Variants in TM9SF3 observed in about 807,000 individuals in gnomAD.
TM9SF3 encodes the protein transmembrane 9 superfamily member 3.
A neutral mutation model predicts 78.6 loss-of-function variants in TM9SF3; 14 were observed. That is an observed-to-expected ratio of 0.18 (90% CI 0.12 to 0.28). The LOEUF is 0.28. Among genes scored for constraint, TM9SF3 ranks in the 10% least tolerant of loss-of-function variants. The pLI, the probability that TM9SF3 is intolerant of heterozygous loss-of-function variation, is 1.00. For synonymous variants in TM9SF3, 231 were observed against 241.7 expected (o/e 0.96, Z 0.41); for missense variants, 496 against 721.9 (o/e 0.69, Z 3.59).
chr10:96,530,851 A>C (rs142957883), intron 10 of TM9SF3, among the ~76,000 whole-genome samples: 141 of 152,328 alleles, frequency 9.3e-4, no homozygotes, highest in African/African-American at 3.3e-3. Flanking sequence ...AAGAACACAA[A>C]TTACTGACAC....
chr10:96,529,449 T>C (rs1376496499), intron 11 of TM9SF3, among the ~76,000 whole-genome samples: 3 of 152,060 alleles, frequency 2.0e-5, no homozygotes. Context: ...AGTTATAAAA[T>C]TCGATGTGAT....
intron 5 of TM9SF3, among the ~76,000 whole-genome samples, chr10:96,555,505 T>C (rs1201813454): frequency 6.6e-6 from 1 of 152,234 alleles, no homozygotes; most frequent in Non-Finnish European, 1.5e-5. Context: ...CTGTGTATGA[T>C]TAGGACATAT....
Position 96,572,317 on chromosome 10 carries a change from A to G in TM9SF3, c.298+4317T>C, listed in dbSNP as rs547606313. 3.3e-5 allele frequency among the ~76,000 whole-genome samples: 5 copies of G among 151,988 alleles called. No individual in the cohort carries two copies. In the South Asian group the frequency reaches 1.0e-3, roughly 32 times the overall value. The stretch of plus-strand genomic sequence containing the variant: ...TTCACAGATAAGCAATACGAGATCA[A>G]AGAGGTTGAACAATTTGCCCATGAC... On this transcript the variant is annotated intron_variant, in intron 2 of 14. Transcript: ENST00000371142.
In TM9SF3 at chr10:96,527,990, AT is replaced by A. The variant is rs748020147; in HGVS notation, c.1541+40del. 9.5e-6 allele frequency: 15 copies of A among 1,580,668 alleles called. No homozygotes were observed. The East Asian group carries it at 3.4e-4, about 36-fold the overall frequency. On this transcript the variant is annotated intron_variant, in intron 12 of 14. Transcript: ENST00000371142. The stretch of plus-strand genomic sequence containing the variant: ...TTCAAAGGAAATCTTATTTTAAAAT[AT>A]TATGGTTCCCCAAATTTCTATCCAC...
At chr10:96,552,269 T>C (rs186102898) in intron 6 of TM9SF3, among the ~76,000 whole-genome samples, 9 of 152,182 alleles carry the variant, frequency 5.9e-5, no homozygotes, top group South Asian at 2.1e-4. Context: ...CTGGGCAGCA[T>C]AGTGAAATTA....
At position 96,576,362 on chromosome 10, in the gene TM9SF3, C is replaced by T. The variant is rs1017261858; in HGVS notation, c.298+272G>A. On this transcript the variant is annotated intron_variant, in intron 2 of 14. Coordinates refer to ENST00000371142, the MANE Select transcript of TM9SF3 (RefSeq NM_020123.4). The stretch of plus-strand genomic sequence containing the variant: ...ATACTTTCCTAAATGCAATACACCT[C>T]ATTTACAGACTAAAACACATTTTAG... 10 of 228,676 alleles carry T rather than the reference C, an allele frequency of 4.4e-5. No homozygotes were observed. The Admixed American group carries it at 4.5e-4, about 10-fold the overall frequency. The allele number at this position is 228,676 out of a possible 1,614,324, so 14.2% of individuals were successfully genotyped here.
In TM9SF3 at chr10:96,520,194, G is replaced by A. The variant is rs973835343; in HGVS notation, c.*2069C>T. 2 of 151,800 alleles carry A rather than the reference G, an allele frequency of 1.3e-5. No homozygotes were observed. The highest frequency in any genetic ancestry group is 4.8e-5 in the African/African-American group (2 of 41,384). 9.4% of individuals were successfully genotyped at this position (151,800 alleles called of 1,614,324 possible). ...AAAAGTACTTTATATATAGTTAAAA[G>A]GTTACATAATATAGGCAACTAAATA... On this transcript the variant is annotated 3_prime_UTR_variant, in exon 15 of 15. Transcript: ENST00000371142.
intron 8 of TM9SF3, among the ~76,000 whole-genome samples, chr10:96,547,314 G>A (rs1848113344): frequency 6.6e-6 from 1 of 152,092 alleles, no homozygotes; most frequent in Admixed American, 6.5e-5. Flanking sequence ...ATCACATGGA[G>A]CACATCTAGA....
chr10:96,576,185 A>C (rs369662537), intron 2 of TM9SF3, among the ~76,000 whole-genome samples: 1 of 152,204 alleles, frequency 6.6e-6, no homozygotes, highest in Non-Finnish European at 1.5e-5. Flanking sequence ...ATATCCATGA[A>C]GGTCTTCCCG....
intron 10 of TM9SF3, 70 bp from the exon 11 acceptor site, chr10:96,530,678 A>G: frequency 7.3e-7 from 1 of 1,365,704 alleles, no homozygotes; most frequent in Non-Finnish European, 1.0e-6. Flanking sequence ...TGATAACAGA[A>G]AGCAGGTACT....
intron 2 of TM9SF3, 54 bp from the exon 3 acceptor site, chr10:96,565,480 TA>T (rs878904501): frequency 0.17 from 172,925 of 1,016,438 alleles, 10 homozygotes; most frequent in South Asian, 0.21. Context: ...ATAGTTACAT[TA>T]AAAAAAAAAA....
At position 96,555,569 on chromosome 10, in the gene TM9SF3, G is replaced by A. The variant is rs544313742; in HGVS notation, c.661-2510C>T. Among the ~76,000 whole-genome samples, 8 of 152,268 alleles carry A rather than the reference G, an allele frequency of 5.3e-5. No homozygotes were observed. The East Asian group carries it at 1.3e-3, about 26-fold the overall frequency. On this transcript the variant is annotated intron_variant, in intron 5 of 14. Transcript: ENST00000371142. ...TGCATGAAACTGAAGGGCAGTCCAG[G>A]CTCTGTTATCCACCCTGAGGTTTCA...
intron 14 of TM9SF3, 51 bp downstream of exon 14, chr10:96,527,162 T>C (rs1193762878): frequency 2.5e-5 from 37 of 1,494,138 alleles, no homozygotes; most frequent in Non-Finnish European, 3.2e-5. Context: ...ATTTTTCGGA[T>C]TTAGAGAAAC....
In TM9SF3 at chr10:96,552,839, C is replaced by T. The variant is rs575615243; in HGVS notation, c.792+89G>A. On this transcript the variant is annotated intron_variant, in intron 6 of 14. Transcript: ENST00000371142. The stretch of plus-strand genomic sequence containing the variant: ...TGAATTGTGGAAACTCAAAGACTTC[C>T]GGTAAGAAATTATGACCTACCTCCC... 4.7e-5 allele frequency: 59 copies of T among 1,249,536 alleles called. No homozygotes were observed. The East Asian group carries it at 1.4e-3, about 31-fold the overall frequency. The allele number at this position is 1,249,536 out of a possible 1,614,324, so 77.4% of individuals were successfully genotyped here.
At chr10:96,558,190 C>T (rs1319324948) in intron 5 of TM9SF3, among the ~76,000 whole-genome samples, 1 of 152,128 alleles carries the variant, frequency 6.6e-6, no homozygotes, top group Non-Finnish European at 1.5e-5. Context: ...TTCATATTCT[C>T]AAATGTTATC....
rs940662602 is a variant in TM9SF3, at chr10:96,564,403, G to A, written c.421+901C>T. ...CACATCTTCCTACCACTGTCAGAGC[G>A]GATCAGAGAAATGTCTGTGTTACCA... On this transcript the variant is annotated intron_variant, in intron 3 of 14. Coordinates refer to ENST00000371142, the MANE Select transcript of TM9SF3 (RefSeq NM_020123.4). Among the ~76,000 whole-genome samples, 59 of 152,250 alleles carry A rather than the reference G, an allele frequency of 3.9e-4. 1 individual carries two copies. Among genetic ancestry groups the A allele is most frequent in the Admixed American group, 7.8e-4 (12 of 15,288 alleles).
intron 5 of TM9SF3, 42 bp downstream of exon 5, chr10:96,559,617 T>C (rs11188828): frequency 1.4e-6 from 2 of 1,382,118 alleles, no homozygotes; most frequent in East Asian, 4.7e-5. Context: ...TTGAACGAAT[T>C]GGTGCACATA....
chr10:96,569,423 T>G (rs1342187880), intron 2 of TM9SF3, among the ~76,000 whole-genome samples: 1 of 152,176 alleles, frequency 6.6e-6, no homozygotes, highest in African/African-American at 2.4e-5. Flanking sequence ...ACTCAATAAC[T>G]GCTGAATTAA....
chr10:96,562,036 A>G lies in TM9SF3; in HGVS notation c.524T>C (p.Leu175Pro). Reference protein sequence around the residue: ...FNGNRIVDVNLTSEGKVKLVP... With the variant: ...FNGNRIVDVNPTSEGKVKLVP... Reference sequence around the variant, plus strand: ...CAGTTTCACCTTTCCTTCACTAGTTAGATTAACATCAACAATTCGATTTCC... The same window carrying G: ...CAGTTTCACCTTTCCTTCACTAGTTGGATTAACATCAACAATTCGATTTCC... Residue 175 changes from leucine to proline, a missense_variant, in exon 4 of 15, where the codon CTA (leucine) becomes CCA (proline). Transcript: ENST00000371142. 1 of 1,613,606 alleles carries G rather than the reference A, an allele frequency of 6.2e-7. No homozygotes were observed. The highest frequency in any genetic ancestry group is 8.5e-7 in the Non-Finnish European group (1 of 1,179,746).
Sources: gnomAD v4.1 joint callset for allele counts (sites outside exome capture counted in the v4.1 genomes callset) on GRCh38, gnomAD v4.1.1 for gene constraint, MANE v1.5 for transcripts, NCBI Gene and HGNC (gene_info 2026-07-23, HGNC 2026-07-21) for gene names.